NRXN1: variants seen among roughly 807,000 people sequenced by gnomAD.
NRXN1 encodes the protein neurexin-1.
NRXN1 carries 39 observed loss-of-function variants against 150.9 expected under a neutral mutation model. The ratio of observed to expected loss-of-function variants is 0.26; its 90% CI spans 0.20 to 0.34. The LOEUF (loss-of-function observed/expected upper bound fraction) is 0.34, where lower values mean the gene tolerates loss of function less well. NRXN1 is among the 10% of genes least tolerant of loss of function. The pLI is 1.00. For missense variants in NRXN1, 1,815 were observed against 1,949.9 expected (o/e 0.93, Z 1.30); for synonymous variants, 924 against 757.0 (o/e 1.22, Z -3.62).
intron 2 of NRXN1, among the ~76,000 whole-genome samples, chr2:50,986,431 C>A (rs931318106): frequency 2.6e-5 from 4 of 151,598 alleles, no homozygotes; most frequent in African/African-American, 9.7e-5. Context: ...ATTGAAACAA[C>A]CTAAATATTT....
intron 9 of NRXN1, among the ~76,000 whole-genome samples, chr2:50,549,431 T>G (rs1022024260): frequency 3.9e-5 from 6 of 152,206 alleles, no homozygotes; most frequent in African/African-American, 1.4e-4. Flanking sequence ...TTGGTTTTTA[T>G]ATTGTTTGTA....
At chr2:50,987,597 C>T (rs989050456) in intron 2 of NRXN1, among the ~76,000 whole-genome samples, 3 of 151,934 alleles carry the variant, frequency 2.0e-5, no homozygotes, top group African/African-American at 4.8e-5. Flanking sequence ...CTCAAATCAG[C>T]GCTTCATGAC....
intron 18 of NRXN1, among the ~76,000 whole-genome samples, chr2:50,131,521 G>C (rs1203065415): frequency 6.6e-6 from 1 of 152,096 alleles, no homozygotes; most frequent in Non-Finnish European, 1.5e-5. Flanking sequence ...ACCTTGTCTT[G>C]TACATCTCTG....
intron 18 of NRXN1, among the ~76,000 whole-genome samples, chr2:50,126,631 A>T (rs923258738): frequency 1.3e-5 from 2 of 152,126 alleles, no homozygotes; most frequent in South Asian, 2.1e-4. Flanking sequence ...ACTTGAAGCA[A>T]ATAAATAGAG....
At chr2:50,465,347 G>C in intron 17 of NRXN1, 95 bp downstream of exon 17, 2 of 1,265,686 alleles carry the variant, frequency 1.6e-6, no homozygotes, top group East Asian at 5.3e-5. Context: ...GACTGACTCA[G>C]AGTTAATATA....
At chr2:50,323,981 A>T (rs2076217163) in intron 17 of NRXN1, among the ~76,000 whole-genome samples, 1 of 152,210 alleles carries the variant, frequency 6.6e-6, no homozygotes, top group Non-Finnish European at 1.5e-5. Flanking sequence ...TAGGTAGCAG[A>T]TAGGGAATCA....
In NRXN1 at chr2:50,139,797, T is replaced by C. The variant is rs182531720; in HGVS notation, c.3547-48303A>G. On this transcript the variant is annotated intron_variant, in intron 18 of 22. Coordinates refer to ENST00000401669, the MANE Select transcript of NRXN1 (RefSeq NM_001330078.2). ...ACTAAGGAAACATTTATAAGATTTT[T>C]TGCAAATCGACAGAAAAGAGTCATC... Among the ~76,000 whole-genome samples, 22 of 152,264 alleles carry C rather than the reference T, an allele frequency of 1.4e-4. 1 individual carries two copies. Among genetic ancestry groups the C allele is most frequent in the African/African-American group, 5.3e-4 (22 of 41,562 alleles).
chr2:50,276,282 C>A (rs2152927404), intron 17 of NRXN1, among the ~76,000 whole-genome samples: 1 of 152,192 alleles, frequency 6.6e-6, no homozygotes, highest in Non-Finnish European at 1.5e-5. Context: ...AATAAAAAGC[C>A]TAACACTCAT....
At chr2:50,200,867 C>T (rs1171186135) in intron 18 of NRXN1, among the ~76,000 whole-genome samples, 1 of 151,972 alleles carries the variant, frequency 6.6e-6, no homozygotes, top group African/African-American at 2.4e-5. Context: ...CTCTCGTCTT[C>T]CTATTTCTTT....
chr2:50,937,858 G>C (rs762944320), intron 2 of NRXN1, among the ~76,000 whole-genome samples: 65 of 152,082 alleles, frequency 4.3e-4, no homozygotes, highest in Admixed American at 7.9e-4. Context: ...GAAATGCATT[G>C]TTAGGTGATT....
chr2:50,555,912 A>C (rs1387087639), intron 8 of NRXN1, among the ~76,000 whole-genome samples: 3 of 152,186 alleles, frequency 2.0e-5, no homozygotes, highest in Non-Finnish European at 4.4e-5. Context: ...AGAACGAAGA[A>C]TGCCTGAGTT....
At chr2:50,163,464 G>C (rs1174785614) in intron 18 of NRXN1, among the ~76,000 whole-genome samples, 22 of 152,084 alleles carry the variant, frequency 1.4e-4, no homozygotes, top group Admixed American at 1.4e-3. Flanking sequence ...TCAATTTAAA[G>C]GTTATCAAGG....
At chr2:50,495,584 T>C (rs867777617) in intron 15 of NRXN1, among the ~76,000 whole-genome samples, 2 of 152,124 alleles carry the variant, frequency 1.3e-5, no homozygotes, top group East Asian at 1.9e-4. Flanking sequence ...TCCAAATCAA[T>C]TGAAAACTGT....
chr2:49,941,201 G>A (rs537513429), intron 22 of NRXN1, among the ~76,000 whole-genome samples: 1 of 151,980 alleles, frequency 6.6e-6, no homozygotes, highest in East Asian at 1.9e-4. Flanking sequence ...ACGTAAACAT[G>A]ATTGTTTCAG....
intron 2 of NRXN1, among the ~76,000 whole-genome samples, chr2:50,954,558 C>G (rs1691957013): frequency 6.6e-6 from 1 of 152,160 alleles, no homozygotes; most frequent in South Asian, 2.1e-4. Context: ...TCCAGCAGAG[C>G]TGGGAAAGAA....
At chr2:50,213,954 G>A (rs1166031113) in intron 18 of NRXN1, among the ~76,000 whole-genome samples, 1 of 151,728 alleles carries the variant, frequency 6.6e-6, no homozygotes, top group South Asian at 2.1e-4. Context: ...AGTTTTACTT[G>A]GCAACTTCGT....
intron 17 of NRXN1, among the ~76,000 whole-genome samples, chr2:50,308,609 C>CT (rs2074874642): frequency 6.6e-6 from 1 of 152,168 alleles, no homozygotes; most frequent in Non-Finnish European, 1.5e-5. Context: ...CCACCTCAGC[C>CT]TCCCAAGTCT....
rs573528446 is a variant in NRXN1, at chr2:50,531,530, C to T, written c.2144-100G>A. The T allele has an allele frequency of 7.0e-6, 6 of 862,438 alleles. No homozygotes were observed. In the African/African-American group the frequency reaches 1.0e-4, roughly 15 times the overall value. 53.4% of individuals were successfully genotyped at this position (862,438 alleles called of 1,614,324 possible). On this transcript the variant is annotated intron_variant, in intron 10 of 22. Coordinates refer to ENST00000401669, the MANE Select transcript of NRXN1 (RefSeq NM_001330078.2). ...TTTATTATCATTTATTTAAGACTTC[C>T]AGAACACAATACTACAAAATCAATT... is the stretch of plus-strand genomic sequence containing the variant.
intron 10 of NRXN1, among the ~76,000 whole-genome samples, chr2:50,534,496 G>T (rs965069823): frequency 6.6e-6 from 1 of 152,090 alleles, no homozygotes; most frequent in African/African-American, 2.4e-5. Flanking sequence ...TAATCAAATT[G>T]CTGTTGCTCA....
Sources: gnomAD v4.1 joint callset for allele counts (sites outside exome capture counted in the v4.1 genomes callset) on GRCh38, gnomAD v4.1.1 for gene constraint, MANE v1.5 for transcripts, NCBI Gene and HGNC (gene_info 2026-07-23, HGNC 2026-07-21) for gene names.